Variants in MYO9A observed in about 807,000 individuals in gnomAD.
MYO9A encodes myosin IXA.
In MYO9A, 103 loss-of-function variants were observed where a neutral mutation model predicts 293.3. That is an observed-to-expected ratio of 0.35 (90% CI 0.30 to 0.41). The LOEUF is 0.41. MYO9A is among the 10% of genes least tolerant of loss of function. The pLI is 1.00. For missense variants in MYO9A, 2,685 were observed against 3,033.0 expected (o/e 0.89, Z 2.69); for synonymous variants, 1,001 against 1,035.7 (o/e 0.97, Z 0.64).
intron 13 of MYO9A, among the ~76,000 whole-genome samples, chr15:71,963,335 T>A (rs1440851544): frequency 2.6e-5 from 4 of 152,210 alleles, no homozygotes. Context: ...TCCACCCACC[T>A]CGGCCTCCCA....
intron 34 of MYO9A, 54 bp downstream of exon 34, chr15:71,859,681 G>A: frequency 7.0e-7 from 1 of 1,429,868 alleles, no homozygotes; most frequent in South Asian, 1.2e-5. Flanking sequence ...TTTCCATAAG[G>A]CACAAAAGAC....
At chr15:71,854,353 A>T in intron 35 of MYO9A, 24 bp downstream of exon 35, 1 of 1,386,622 alleles carries the variant, frequency 7.2e-7, no homozygotes, top group Non-Finnish European at 9.4e-7. Context: ...GTATTTCATT[A>T]TGATTTAGAG....
chr15:71,971,540 C>T (rs2076010602), intron 12 of MYO9A, among the ~76,000 whole-genome samples: 1 of 150,626 alleles, frequency 6.6e-6, no homozygotes, highest in South Asian at 2.1e-4. Context: ...GCCATAACCG[C>T]ACCACGGCAT....
At chr15:71,929,854 T>C (rs1057216089) in intron 18 of MYO9A, among the ~76,000 whole-genome samples, 2 of 152,236 alleles carry the variant, frequency 1.3e-5, no homozygotes, top group Non-Finnish European at 2.9e-5. Flanking sequence ...CAACTCTTAG[T>C]TCTTTGTGAA....
At chr15:72,000,018 A>G (rs1184014069) in intron 8 of MYO9A, 78 bp from the exon 9 acceptor site, 2 of 1,170,686 alleles carry the variant, frequency 1.7e-6, no homozygotes, top group African/African-American at 3.1e-5. Context: ...AGCCAAATAG[A>G]GGAGGAAAAG....
At chr15:72,050,988 C>T (rs1197940650) in intron 1 of MYO9A, among the ~76,000 whole-genome samples, 1 of 152,210 alleles carries the variant, frequency 6.6e-6, no homozygotes, top group East Asian at 1.9e-4. Flanking sequence ...GATAGTCTTG[C>T]TCTTTTTCTG....
intron 18 of MYO9A, among the ~76,000 whole-genome samples, chr15:71,931,103 TAC>T (rs1182128939): frequency 6.6e-6 from 1 of 152,216 alleles, no homozygotes; most frequent in Non-Finnish European, 1.5e-5. Flanking sequence ...ATCATTGATT[TAC>T]ACACTGGCAT....
At chr15:72,097,685 G>T (rs917538262) in intron 1 of MYO9A, among the ~76,000 whole-genome samples, 37 of 152,220 alleles carry the variant, frequency 2.4e-4, no homozygotes, top group African/African-American at 8.7e-4. Flanking sequence ...CAAGGTGGGC[G>T]GATCATGAGG....
At chr15:72,053,332 G>T (rs907659040) in intron 1 of MYO9A, among the ~76,000 whole-genome samples, 1 of 152,076 alleles carries the variant, frequency 6.6e-6, no homozygotes, top group Non-Finnish European at 1.5e-5. Context: ...CTTGAACTCA[G>T]GAGGCGCAGG....
chr15:71,978,374 C>G, intron 11 of MYO9A, 82 bp from the exon 12 acceptor site: 1 of 1,164,400 alleles, frequency 8.6e-7, no homozygotes, highest in Non-Finnish European at 1.2e-6. Flanking sequence ...AGCTTTTACC[C>G]TGCTTAAAAT....
At chr15:72,077,313 C>T (rs1021771212) in intron 1 of MYO9A, among the ~76,000 whole-genome samples, 2 of 152,100 alleles carry the variant, frequency 1.3e-5, no homozygotes, top group Admixed American at 1.3e-4. Context: ...GCAAAAGGCA[C>T]CGTTAAGAGA....
chr15:71,901,384 T>A (rs2057479014), intron 22 of MYO9A, 44 bp from the exon 23 acceptor site: 1 of 1,561,142 alleles, frequency 6.4e-7, no homozygotes, highest in Admixed American at 1.9e-5. Context: ...TAAGAAGAAA[T>A]GAGAAATTTA....
At chr15:71,935,559 C>T (rs2058618156) in intron 16 of MYO9A, 75 bp from the exon 17 acceptor site, 2 of 1,347,438 alleles carry the variant, frequency 1.5e-6, no homozygotes, top group Non-Finnish European at 9.9e-7. Flanking sequence ...TAAAATAAAA[C>T]TTTAAATACT....
chr15:71,855,337 T>C (rs1220043563), intron 34 of MYO9A, among the ~76,000 whole-genome samples: 1 of 152,198 alleles, frequency 6.6e-6, no homozygotes, highest in Admixed American at 6.5e-5. Context: ...AGTTTCATCA[T>C]GTTGGCCAGG....
chr15:71,837,335 T>A (rs1328111438), intron 39 of MYO9A, among the ~76,000 whole-genome samples: 1 of 152,054 alleles, frequency 6.6e-6, no homozygotes, highest in Non-Finnish European at 1.5e-5. Context: ...GGAAAAAACA[T>A]GTTAAGAAAA....
chr15:71,863,820 C>A (rs2056231441), intron 32 of MYO9A, among the ~76,000 whole-genome samples: 2 of 152,198 alleles, frequency 1.3e-5, no homozygotes, highest in African/African-American at 2.4e-5. Context: ...CCCCCTCACA[C>A]CCCCTCACTC....
chr15:72,087,132 T>G (rs1488076552), intron 1 of MYO9A, among the ~76,000 whole-genome samples: 1 of 152,160 alleles, frequency 6.6e-6, no homozygotes, highest in Non-Finnish European at 1.5e-5. Flanking sequence ...CCAGGAGCTA[T>G]GATGCAGGTC....
rs2057244204 is a variant in MYO9A, at chr15:71,893,718, T to A, written c.5103A>T (p.Ala1701=). 3 of 1,614,072 alleles carry A rather than the reference T, an allele frequency of 1.9e-6. No homozygotes were observed. The highest frequency in any genetic ancestry group is 2.7e-5 in the African/African-American group (2 of 75,064). The part of the protein sequence containing the change: ...NPQLHKEDEP[A]WKPVKLAGPG... ...GCCCAGCTAACTTCACAGGTTTCCA[T>A]GCTGGTTCATCTTCTTTATGGAGTT... Residue 1701 remains alanine (A), a synonymous_variant, in exon 26 of 42, where the codon GCA becomes GCT. Transcript: ENST00000356056.
chr15:71,826,423 G>T lies in MYO9A; in HGVS notation c.*157C>A. The T allele has an allele frequency of 1.5e-6, 1 of 672,414 alleles. No homozygotes were observed. 41.7% of individuals were successfully genotyped at this position (672,414 alleles called of 1,614,324 possible). The stretch of plus-strand genomic sequence containing the variant: ...AGCAGGCTTTCTGCTTCTGCAGGAG[G>T]CCCAGGAATTCAGCACATACAGTCT... On this transcript the variant is annotated 3_prime_UTR_variant, in exon 42 of 42. Coordinates refer to ENST00000356056, the MANE Select transcript of MYO9A (RefSeq NM_006901.4).
Sources: gnomAD v4.1 joint callset for allele counts (sites outside exome capture counted in the v4.1 genomes callset) on GRCh38, gnomAD v4.1.1 for gene constraint, MANE v1.5 for transcripts, NCBI Gene and HGNC (gene_info 2026-07-23, HGNC 2026-07-21) for gene names.